RYR1: variants seen among roughly 807,000 people sequenced by gnomAD.
RYR1 encodes ryanodine receptor 1, also known as central core disease of muscle.
A neutral mutation model predicts 583.5 loss-of-function variants in RYR1; 342 were observed. The observed-to-expected ratio is 0.59, with a 90% confidence interval of 0.54 to 0.64. RYR1 has a LOEUF of 0.64. Among genes scored for constraint, RYR1 ranks in the 30% least tolerant of loss-of-function variants. RYR1 has a pLI of 0.00. For missense variants in RYR1, 6,032 were observed against 6,917.2 expected, an observed-to-expected ratio of 0.87 and a Z score of 4.54; for synonymous variants, 2,791 against 2,822.5, an observed-to-expected ratio of 0.99 and a Z score of 0.35.
intron 13 of RYR1, among the ~76,000 whole-genome samples, chr19:38,453,500 C>T (rs1018921619): frequency 1.3e-5 from 2 of 151,438 alleles, no homozygotes; most frequent in East Asian, 3.9e-4. Context: ...GATCTTTGGG[C>T]ATTAGGGAGG....
Position 38,510,687 on chromosome 19 carries a change from T to G in RYR1, c.9028T>G (p.Phe3010Val). The stretch of plus-strand genomic sequence containing the variant: ...CCTGCTCCCTTTGATCAACCAGTAC[T>G]TCACCAACCACTGCCTCTATTTCTT... ...KILLPLINQY[F>V]TNHCLYFLST... The change falls in exon 60 of 106, where the codon TTC (phenylalanine) becomes GTC (valine). Residue 3010 changes from phenylalanine (F) to valine (V), a missense_variant. Physicochemically the swap from Phe to Val is conservative, Grantham distance 50. Around this residue, in one of 11 missense-constraint regions of RYR1, gnomAD observed 1,493 missense variants for 1,715.5 expected, o/e 0.87. Coordinates refer to ENST00000359596, the MANE Select transcript of RYR1 (RefSeq NM_000540.3). 6.2e-7 allele frequency: 1 copy of G among 1,614,068 alleles called. No homozygotes were observed. The highest frequency in any genetic ancestry group is 8.5e-7 in the Non-Finnish European group (1 of 1,179,992).
intron 97 of RYR1, 147 bp from the exon 98 acceptor site, chr19:38,577,771 G>A (rs758274989): frequency 2.5e-5 from 26 of 1,026,950 alleles, no homozygotes; most frequent in Non-Finnish European, 3.4e-5. Context: ...CCTCCAGCCT[G>A]GGTGACAGAG....
Position 38,546,397 on chromosome 19 carries a change from G to A in RYR1, c.12013-48G>A, listed in dbSNP as rs766002283. The A allele has an allele frequency of 4.6e-6, 7 of 1,519,858 alleles. No individual in the cohort carries two copies. The Admixed American group carries it at 1.0e-4, about 22-fold the overall frequency. The allele number at this position is 1,519,858 out of a possible 1,614,324, so 94.1% of individuals were successfully genotyped here. A position where few individuals can be genotyped will look rare whatever the true frequency, so the allele number is the denominator to read the frequency against. ...GAGGAGGGGGAGAAGCAACAGAGGT[G>A]GGGGAGGTGTATGCTGAGACCAGCC... On this transcript the variant is annotated intron_variant, in intron 87 of 105. Transcript: ENST00000359596.
intron 21 of RYR1, 107 bp downstream of exon 21, chr19:38,463,634 T>G (rs1967911926): frequency 1.5e-5 from 21 of 1,444,150 alleles, no homozygotes; most frequent in Non-Finnish European, 1.9e-5. Flanking sequence ...CACCAGGGGG[T>G]CCTTGGACTG....
intron 29 of RYR1, among the ~76,000 whole-genome samples, chr19:38,476,716 C>G (rs1241039418): frequency 6.6e-6 from 1 of 152,126 alleles, no homozygotes; most frequent in Non-Finnish European, 1.5e-5. Context: ...TCCCTGGCCT[C>G]GAGATTAGAT....
At position 38,494,410 on chromosome 19, in the gene RYR1, G is replaced by A. The variant is rs754008926; in HGVS notation, c.6333G>A (p.Val2111=). 6.2e-7 allele frequency: 1 copy of A among 1,612,066 alleles called. No individual in the cohort carries two copies. Among genetic ancestry groups the A allele is most frequent in the African/African-American group, 1.3e-5 (1 of 74,990 alleles). Residue 2111 remains valine, a synonymous_variant, in exon 39 of 106, where the codon GTG becomes GTA. Coordinates refer to ENST00000359596, the MANE Select transcript of RYR1 (RefSeq NM_000540.3). ...MVVRWAQEDF[V]QSPELVRAMF... is the part of the protein sequence containing the mutation. Reference sequence around the variant, plus strand: ...TGCGCTGGGCCCAAGAGGACTTCGTGCAGAGCCCCGAGCTGGTGCGGGCCA... The same window carrying A: ...TGCGCTGGGCCCAAGAGGACTTCGTACAGAGCCCCGAGCTGGTGCGGGCCA...
intron 90 of RYR1, among the ~76,000 whole-genome samples, chr19:38,562,779 G>A (rs528645246): frequency 3.9e-5 from 6 of 152,218 alleles, no homozygotes; most frequent in African/African-American, 7.2e-5. Context: ...CACGTCCACC[G>A]TGCACACTGA....
intron 76 of RYR1, among the ~76,000 whole-genome samples, chr19:38,529,335 C>T (rs1336207216): frequency 6.6e-6 from 1 of 152,180 alleles, no homozygotes; most frequent in Non-Finnish European, 1.5e-5. Context: ...CAATAAATAG[C>T]CAGGCTTGGT....
intron 96 of RYR1, 103 bp downstream of exon 96, chr19:38,573,410 G>A (rs139534731): frequency 3.2e-4 from 452 of 1,432,814 alleles, no homozygotes; most frequent in African/African-American, 1.8e-3. Context: ...GTCCGGGCAC[G>A]GTGGCTCACA....
intron 38 of RYR1, among the ~76,000 whole-genome samples, chr19:38,493,516 GTTTTTTT>G (rs58975597): frequency 1.7e-5 from 2 of 115,748 alleles, no homozygotes; most frequent in Non-Finnish European, 3.4e-5. Context: ...TTTCTTTTTC[GTTTTTTT>G]TTTTTTTTTT....
chr19:38,523,473 C>A, intron 69 of RYR1, 164 bp downstream of exon 69: 1 of 701,736 alleles, frequency 1.4e-6, no homozygotes, highest in Non-Finnish European at 2.5e-6. Context: ...TCCTCCCCAG[C>A]TCCTTCCTCC....
rs901793942 is a variant in RYR1, at chr19:38,486,086, G to A, written c.5431G>A (p.Ala1811Thr). The change falls in exon 34 of 106, where the codon GCA becomes ACA. Residue 1811 changes from alanine to threonine, a missense_variant. Ala to Thr is a moderately conservative substitution (Grantham distance 58, BLOSUM62 0). This residue lies in a region of RYR1 where 2,627 missense variants were observed against 2,961.3 expected (regional missense o/e 0.89). Transcript: ENST00000359596. ...AIPLEALRDK[A>T]LRMLGEAVRD... ...CCCGCTGGAGGCCCTGCGGGACAAG[G>A]CACTGAGGATGCTGGGGGAGGCGGT... is the stretch of plus-strand genomic sequence containing the variant. The A allele has an allele frequency of 6.2e-7, 1 of 1,612,872 alleles. No individual in the cohort carries two copies. The highest frequency in any genetic ancestry group is 8.5e-7 in the Non-Finnish European group (1 of 1,179,570).
At chr19:38,580,823 GCAGA>G (rs558864385) in intron 101 of RYR1, among the ~76,000 whole-genome samples, 28 of 152,074 alleles carry the variant, frequency 1.8e-4, no homozygotes, top group East Asian at 5.8e-4. Flanking sequence ...CTCCATCCTG[GCAGA>G]CAGACAGAGA....
intron 71 of RYR1, among the ~76,000 whole-genome samples, chr19:38,525,808 G>T (rs965137772): frequency 2.0e-5 from 3 of 149,470 alleles, no homozygotes; most frequent in Admixed American, 6.7e-5. Context: ...CCCCCCCACC[G>T]GACCATGCCA....
intron 39 of RYR1, among the ~76,000 whole-genome samples, chr19:38,495,725 A>C (rs557712130): frequency 4.6e-5 from 7 of 152,206 alleles, no homozygotes; most frequent in African/African-American, 1.7e-4. Context: ...CAGTCTCCTT[A>C]TGAGGGAAAC....
rs756354771 is a variant in RYR1, at chr19:38,565,053, C to G, written c.12719C>G (p.Thr4240Ser). 6.4e-7 allele frequency: 1 copy of G among 1,572,984 alleles called. No homozygotes were observed. The highest frequency in any genetic ancestry group is 1.2e-5 in the South Asian group (1 of 85,640). ...MELFVSFCED[T>S]IFEMQIAAQI... ...CTCTTCGTGAGTTTCTGCGAGGACA[C>G]CATCTTCGAGATGCAGATCGCCGCG... Residue 4240 changes from threonine to serine, a missense_variant, in exon 91 of 106, where the codon ACC becomes AGC. Transcript: ENST00000359596. The surrounding 1 kb of genome is among the most constrained non-coding windows in gnomAD (Gnocchi z 4.7).
At position 38,506,380 on chromosome 19, in the gene RYR1, G is replaced by A. The variant is rs770827107; in HGVS notation, c.8616+3G>A. On this transcript the variant is annotated splice_donor_region_variant and intron_variant, in intron 55 of 105. Coordinates refer to ENST00000359596, the MANE Select transcript of RYR1 (RefSeq NM_000540.3). ...TTACCCTGTCCCGGGAGCTGCAGGTGAGAGCCCTGATCCTTTTGGGGGGAC... is the reference window on the plus strand; with the variant it reads ...TTACCCTGTCCCGGGAGCTGCAGGTAAGAGCCCTGATCCTTTTGGGGGGAC... 5 of 1,613,660 alleles carry A rather than the reference G, an allele frequency of 3.1e-6. No homozygotes were observed.
At chr19:38,443,695 C>T (rs1972802980) in intron 4 of RYR1, 23 bp from the exon 5 acceptor site, 1 of 1,613,186 alleles carries the variant, frequency 6.2e-7, no homozygotes, top group Admixed American at 1.7e-5. Context: ...TAGAAGGAGG[C>T]TGACCTCCCT....
chr19:38,535,916 G>C (rs1038753075), intron 81 of RYR1, 81 bp from the exon 82 acceptor site: 1 of 1,273,830 alleles, frequency 7.9e-7, no homozygotes, highest in East Asian at 2.4e-5. Context: ...AGGCTACCAT[G>C]GTGGGGAGCT....
Sources: allele counts gnomAD v4.1 joint callset (sites outside exome capture counted in the v4.1 genomes callset), GRCh38; gene constraint gnomAD v4.1.1; regional missense constraint gnomAD v4.1.1; non-coding constraint Gnocchi (gnomAD v3.1); transcripts MANE v1.5; gene names NCBI Gene and HGNC (gene_info 2026-07-23, HGNC 2026-07-21).